GRM7: variants seen among roughly 807,000 people sequenced by gnomAD.
GRM7 encodes metabotropic glutamate receptor 7.
In GRM7, 35 loss-of-function variants were observed where a neutral mutation model predicts 84.5. The ratio of observed to expected loss-of-function variants is 0.41; its 90% confidence interval spans 0.32 to 0.55. The LOEUF (loss-of-function observed/expected upper bound fraction) is 0.55. GRM7 is among the 20% of genes least tolerant of loss of function. GRM7 has a pLI of 0.19. For synonymous variants in GRM7, 487 were observed against 455.1 expected, an observed-to-expected ratio of 1.07 and a Z score of -0.89; for missense variants, 1,003 against 1,194.6, an observed-to-expected ratio of 0.84 and a Z score of 2.36.
intron 1 of GRM7, among the ~76,000 whole-genome samples, chr3:6,927,894 TACAA>T (rs1169818476): frequency 6.6e-6 from 1 of 152,184 alleles, no homozygotes; most frequent in Non-Finnish European, 1.5e-5. Context: ...TTTTTCGTTT[TACAA>T]ACAATGTTCC....
intron 2 of GRM7, among the ~76,000 whole-genome samples, chr3:7,294,800 A>C (rs962728821): frequency 2.0e-5 from 3 of 152,216 alleles, no homozygotes; most frequent in Admixed American, 6.5e-5. Flanking sequence ...AATCTCTAGA[A>C]GTGAGGATCA....
At chr3:7,362,966 T>G (rs1693731368) in intron 4 of GRM7, among the ~76,000 whole-genome samples, 1 of 151,692 alleles carries the variant, frequency 6.6e-6, no homozygotes, top group Non-Finnish European at 1.5e-5. Flanking sequence ...AAAATAAAAA[T>G]AAAAAGTTAC....
intron 7 of GRM7, among the ~76,000 whole-genome samples, chr3:7,516,883 AATT>A (rs1700411616): frequency 6.6e-6 from 1 of 152,130 alleles, no homozygotes; most frequent in Non-Finnish European, 1.5e-5. Context: ...AGGCTTTGTG[AATT>A]ATTATAGGAA....
intron 2 of GRM7, among the ~76,000 whole-genome samples, chr3:7,194,547 G>C (rs1172478033): frequency 6.6e-6 from 1 of 152,094 alleles, no homozygotes; most frequent in African/African-American, 2.4e-5. Context: ...TTAATAATTA[G>C]AGAGGCCTTT....
intron 7 of GRM7, among the ~76,000 whole-genome samples, chr3:7,498,284 C>A (rs1394650198): frequency 6.6e-6 from 1 of 152,132 alleles, no homozygotes; most frequent in East Asian, 1.9e-4. Flanking sequence ...GGGGCAATAG[C>A]CTACAATGCA....
intron 2 of GRM7, among the ~76,000 whole-genome samples, chr3:7,158,289 A>T (rs961602211): frequency 1.3e-5 from 2 of 151,432 alleles, no homozygotes; most frequent in East Asian, 3.9e-4. Context: ...TCTCTTCCCC[A>T]CTCTCTCAGC....
chr3:6,899,526 A>C (rs1696311840), intron 1 of GRM7, among the ~76,000 whole-genome samples: 2 of 152,178 alleles, frequency 1.3e-5, no homozygotes, highest in Non-Finnish European at 2.9e-5. Flanking sequence ...AGGCAGGAAA[A>C]GGTGAAAAGT....
At chr3:7,484,054 C>T (rs1699232545) in intron 7 of GRM7, among the ~76,000 whole-genome samples, 1 of 152,080 alleles carries the variant, frequency 6.6e-6, no homozygotes. Context: ...ATTCAAAGAT[C>T]TGATTCTATA....
intron 8 of GRM7, chr3:7,607,223 A>G (rs1696621715): frequency 1.3e-5 from 2 of 152,104 alleles, no homozygotes; most frequent in South Asian, 2.1e-4. Context: ...TTAATATGCA[A>G]TGCTTTTATC....
chr3:7,611,375 G>A (rs1696839719), intron 8 of GRM7, among the ~76,000 whole-genome samples: 1 of 152,192 alleles, frequency 6.6e-6, no homozygotes, highest in Non-Finnish European at 1.5e-5. Flanking sequence ...AGAAACATGG[G>A]GATGCAGAAG....
chr3:7,701,455 C>T (rs552346852), intron 9 of GRM7, among the ~76,000 whole-genome samples: 29 of 152,136 alleles, frequency 1.9e-4, no homozygotes, highest in Non-Finnish European at 4.1e-4. Flanking sequence ...CGCACACCAC[C>T]ACACCCAGGT....
chr3:7,593,339 A>G (rs911433286), intron 8 of GRM7, among the ~76,000 whole-genome samples: 1 of 152,166 alleles, frequency 6.6e-6, no homozygotes, highest in African/African-American at 2.4e-5. Flanking sequence ...TCATCCCACT[A>G]ATGTCTACAA....
At chr3:7,315,112 A>AAAAAC (rs1445745499) in intron 4 of GRM7, among the ~76,000 whole-genome samples, 2 of 152,174 alleles carry the variant, frequency 1.3e-5, no homozygotes, top group South Asian at 2.1e-4. Flanking sequence ...AAACAACAAC[A>AAAAAC]AAAACAAAAC....
intron 8 of GRM7, among the ~76,000 whole-genome samples, chr3:7,668,509 A>C (rs1457306865): frequency 1.3e-5 from 2 of 152,188 alleles, no homozygotes; most frequent in African/African-American, 4.8e-5. Flanking sequence ...TATGGAGGCA[A>C]AAGTTGCTTT....
chr3:7,540,036 A>G (rs2125014357), intron 7 of GRM7, among the ~76,000 whole-genome samples: 1 of 152,346 alleles, frequency 6.6e-6, no homozygotes, highest in Non-Finnish European at 1.5e-5. Context: ...TTATAATTCC[A>G]TTATAAAAAT....
intron 7 of GRM7, among the ~76,000 whole-genome samples, chr3:7,522,790 A>G (rs1700647382): frequency 6.6e-6 from 1 of 152,040 alleles, no homozygotes; most frequent in Non-Finnish European, 1.5e-5. Flanking sequence ...CAAAGTCCTA[A>G]CCCCCAATGT....
chr3:7,614,878 G>C (rs1697012871), intron 8 of GRM7, among the ~76,000 whole-genome samples: 1 of 152,098 alleles, frequency 6.6e-6, no homozygotes, highest in Admixed American at 6.6e-5. Context: ...TTGCAAAATA[G>C]ATTCATTTGT....
chr3:7,316,283 C>T (rs1048997060), intron 4 of GRM7, among the ~76,000 whole-genome samples: 3 of 151,988 alleles, frequency 2.0e-5, no homozygotes, highest in Admixed American at 1.3e-4. Context: ...AAGTAAGAGA[C>T]CATTGTAGGG....
At chr3:7,461,842 T>C in intron 7 of GRM7, 120 bp downstream of exon 7, 1 of 870,594 alleles carries the variant, frequency 1.1e-6, no homozygotes, top group Non-Finnish European at 1.8e-6. Flanking sequence ...GAGCATGCAA[T>C]TTGTTGTGGG....
Sources: gnomAD v4.1 joint callset for allele counts (sites outside exome capture counted in the v4.1 genomes callset) on GRCh38, gnomAD v4.1.1 for gene constraint, MANE v1.5 for transcripts, NCBI Gene and HGNC (gene_info 2026-07-23, HGNC 2026-07-21) for gene names.